The following MON2 variants were observed in gnomAD, a reference collection of about 807,000 sequenced individuals.
The protein encoded by MON2 is MON2 regulator of endosome-to-Golgi trafficking.
MON2 carries 84 observed loss-of-function variants against 208.6 expected under a neutral mutation model. That is an observed-to-expected ratio of 0.40 (90% confidence interval 0.34 to 0.48). MON2 has a LOEUF of 0.48. Among genes scored for constraint, MON2 ranks in the 20% least tolerant of loss-of-function variants. The pLI is 0.59. For missense variants in MON2, 1,611 were observed against 2,015.4 expected (o/e 0.80, Z 3.84); for synonymous variants, 660 against 694.0 (o/e 0.95, Z 0.77).
Position 62,556,070 on chromosome 12 carries a change from G to GC in MON2, c.3288dup (p.Asn1097GlnfsTer17). ...AAAGAAAAGATTGAGTCTGGAGGTG[G>GC]CAATATTCTCATTCATCATTCAAGG... is the stretch of plus-strand genomic sequence containing the variant. On this transcript the variant is annotated frameshift_variant, in exon 25 of 35. Coordinates refer to ENST00000393630, the MANE Select transcript of MON2 (RefSeq NM_015026.3). LOFTEE classifies it high-confidence loss of function. 1 of 1,613,772 alleles carries GC rather than the reference G, an allele frequency of 6.2e-7. No homozygotes were observed. Among genetic ancestry groups the GC allele is most frequent in the Non-Finnish European group, 8.5e-7 (1 of 1,179,890 alleles).
In MON2 at chr12:62,596,209, G is replaced by T; in HGVS notation, c.*3460G>T. ...CAAAAGTATATTCTTTATTAATGAG[G>T]TGGTCATTATTACATTTGTGTCAAT... On this transcript the variant is annotated 3_prime_UTR_variant, in exon 35 of 35. Transcript: ENST00000393630. The T allele has an allele frequency of 6.6e-6, 1 of 152,178 alleles. No homozygotes were observed. Among genetic ancestry groups the T allele is most frequent in the Non-Finnish European group, 1.5e-5 (1 of 68,034 alleles). The allele number at this position is 152,178 out of a possible 1,614,324, so 9.4% of individuals were successfully genotyped here.
In MON2 at chr12:62,543,159, A is replaced by G. The variant is rs1383536371; in HGVS notation, c.2427A>G (p.Ile809Met). The part of the protein sequence containing the change: ...LETGLVNMHR[I>M]EILWRPLTGH... ...CTGGTTTAGTTAATATGCACCGAATAGAAATTCTGTGGAGACCTCTGACTG... is the reference window on the plus strand; with the variant it reads ...CTGGTTTAGTTAATATGCACCGAATGGAAATTCTGTGGAGACCTCTGACTG... The change falls in exon 20 of 35, where the codon ATA becomes ATG. Residue 809 changes from isoleucine (I) to methionine (M), a missense_variant. Physicochemically the swap from Ile to Met is conservative, Grantham distance 10. Transcript: ENST00000393630. 3 of 1,572,118 alleles carry G rather than the reference A, an allele frequency of 1.9e-6. No individual in the cohort carries two copies. The highest frequency in any genetic ancestry group is 2.6e-6 in the Non-Finnish European group (3 of 1,164,276).
chr12:62,589,744 T>TA (rs5798649), intron 34 of MON2, among the ~76,000 whole-genome samples: 4,151 of 113,518 alleles, frequency 0.037, 232 homozygotes, highest in African/African-American at 0.12. Context: ...ACCCCATCTT[T>TA]AAAAAAAAAA....
At position 62,597,726 on chromosome 12, in the gene MON2, CT is replaced by C. The variant is rs1486398891; in HGVS notation, c.*4981del. On this transcript the variant is annotated 3_prime_UTR_variant, in exon 35 of 35. Transcript: ENST00000393630. Reference sequence around the variant, plus strand: ...TTATGTGGGTAGAGAGATTATATATCTTTTCTCAAAGTAAAGTATTTAAAAC... The same window carrying C: ...TTATGTGGGTAGAGAGATTATATATCTTTCTCAAAGTAAAGTATTTAAAAC... 1 of 152,054 alleles carries C rather than the reference CT, an allele frequency of 6.6e-6. No homozygotes were observed. Among genetic ancestry groups the C allele is most frequent in the East Asian group, 1.9e-4 (1 of 5,188 alleles). The allele number at this position is 152,054 out of a possible 1,614,324, so 9.4% of individuals were successfully genotyped here. A position where few individuals can be genotyped will look rare whatever the true frequency, so the allele number is the denominator to read the frequency against.
intron 1 of MON2, among the ~76,000 whole-genome samples, chr12:62,477,259 G>A (rs182323362): frequency 2.0e-5 from 3 of 151,916 alleles, no homozygotes; most frequent in East Asian, 1.9e-4. Flanking sequence ...AACTTTTTTT[G>A]TGTGTGTAAA....
chr12:62,488,578 A>G (rs1462643849), intron 2 of MON2, among the ~76,000 whole-genome samples: 1 of 152,118 alleles, frequency 6.6e-6, no homozygotes, highest in Non-Finnish European at 1.5e-5. Flanking sequence ...GTAAATTAGG[A>G]TAGCAGTGTG....
intron 30 of MON2, among the ~76,000 whole-genome samples, chr12:62,577,054 T>C (rs545437761): frequency 2.2e-4 from 34 of 152,122 alleles, no homozygotes; most frequent in African/African-American, 8.2e-4. Flanking sequence ...CATCAACTCA[T>C]CCTTAGTTAC....
Position 62,560,479 on chromosome 12 carries a change from T to A in MON2, c.3410-12T>A. The A allele has an allele frequency of 1.3e-6, 2 of 1,570,828 alleles. No individual in the cohort carries two copies. Among genetic ancestry groups the A allele is most frequent in the Non-Finnish European group, 8.6e-7 (1 of 1,164,722 alleles). The stretch of plus-strand genomic sequence containing the variant: ...TTTATGATAATAGTTTTTTTTTCTC[T>A]TCCTAATATAGGAGATTTTTCAAGA... On this transcript the variant is annotated splice_polypyrimidine_tract_variant and intron_variant, in intron 25 of 34. Coordinates refer to ENST00000393630, the MANE Select transcript of MON2 (RefSeq NM_015026.3).
Position 62,594,859 on chromosome 12 carries a change from G to C in MON2, c.*2110G>C, listed in dbSNP as rs2075491244. On this transcript the variant is annotated 3_prime_UTR_variant, in exon 35 of 35. Coordinates refer to ENST00000393630, the MANE Select transcript of MON2 (RefSeq NM_015026.3). ...AAGCAAGTGGGTGGCCCCCTTGGTA[G>C]TATAATTGGACAGGATTTTCCTCCA... The C allele has an allele frequency of 6.6e-6, 1 of 152,182 alleles. No homozygotes were observed. Among genetic ancestry groups the C allele is most frequent in the Admixed American group, 6.5e-5 (1 of 15,278 alleles). The allele number at this position is 152,182 out of a possible 1,614,324, so 9.4% of individuals were successfully genotyped here.
intron 8 of MON2, among the ~76,000 whole-genome samples, chr12:62,521,021 T>C (rs1277213700): frequency 6.6e-6 from 1 of 151,616 alleles, no homozygotes; most frequent in East Asian, 1.9e-4. Flanking sequence ...TCTTTTTTTT[T>C]AAAGATGGAA....
rs536539372 is a variant in MON2 at position 62,545,333 on chromosome 12, A to AT, written c.2577+337dup. On this transcript the variant is annotated intron_variant, in intron 21 of 34. Coordinates refer to ENST00000393630, the MANE Select transcript of MON2 (RefSeq NM_015026.3). ...TGCTTTGGTCTTCACATGTCCCTGG[A>AT]TTTTTTTTTTTTCTCACTACCCTTA... Among the ~76,000 whole-genome samples the AT allele has an allele frequency of 3.3e-3, 479 of 146,442 alleles. 2 individuals carry two copies. The highest frequency in any genetic ancestry group is 9.1e-3 in the African/African-American group (364 of 40,204).
At position 62,467,062 on chromosome 12, in the gene MON2, A is replaced by G; in HGVS notation, c.-146A>G. On this transcript the variant is annotated 5_prime_UTR_variant, in exon 1 of 35. Transcript: ENST00000393630. ...GGAAGCTGCTGGGGGACGCTCGAGC[A>G]GGCTCCGGGTTCGCAGCCCAGGGCC... 1.6e-6 allele frequency: 1 copy of G among 631,832 alleles called. No individual in the cohort carries two copies. 39.1% of individuals were successfully genotyped at this position (631,832 alleles called of 1,614,324 possible). A position where few individuals can be genotyped will look rare whatever the true frequency, so the allele number is the denominator to read the frequency against.
At chr12:62,584,544 A>G (rs2075127569) in intron 32 of MON2, among the ~76,000 whole-genome samples, 1 of 152,064 alleles carries the variant, frequency 6.6e-6, no homozygotes, top group Non-Finnish European at 1.5e-5. Context: ...TCTACTAAAA[A>G]TACAAAAAAT....
intron 29 of MON2, 21 bp downstream of exon 29, chr12:62,566,471 C>T (rs759433752): frequency 6.3e-7 from 1 of 1,599,774 alleles, no homozygotes; most frequent in Non-Finnish European, 8.5e-7. Flanking sequence ...TTCATTTCTA[C>T]ACTTTCATTA....
At chr12:62,566,587 A>T in intron 29 of MON2, 137 bp downstream of exon 29, 1 of 930,236 alleles carries the variant, frequency 1.1e-6, no homozygotes, top group Non-Finnish European at 1.5e-6. Flanking sequence ...ACTTTTCTCC[A>T]ATATTCATGA....
At chr12:62,584,780 G>A (rs574152482) in intron 32 of MON2, among the ~76,000 whole-genome samples, 32 of 150,970 alleles carry the variant, frequency 2.1e-4, no homozygotes, top group African/African-American at 7.8e-4. Flanking sequence ...AATTTCCAGA[G>A]TGATGGCAAA....
At chr12:62,581,479 G>A (rs1240123418) in intron 32 of MON2, among the ~76,000 whole-genome samples, 1 of 152,166 alleles carries the variant, frequency 6.6e-6, no homozygotes, top group East Asian at 1.9e-4. Flanking sequence ...CTTGAGCCCA[G>A]GAGGCCGAGG....
chr12:62,534,570 T>TTA (rs1331943202), intron 12 of MON2, among the ~76,000 whole-genome samples: 2 of 115,162 alleles, frequency 1.7e-5, no homozygotes, highest in Non-Finnish European at 3.5e-5. Flanking sequence ...TATATATATT[T>TTA]TATATATATA....
Position 62,538,296 on chromosome 12 carries a change from T to C in MON2, c.2244T>C (p.Asn748=), listed in dbSNP as rs751615545. 2 of 1,613,620 alleles carry C rather than the reference T, an allele frequency of 1.2e-6. No homozygotes were observed. The highest frequency in any genetic ancestry group is 1.7e-6 in the Non-Finnish European group (2 of 1,179,582). Reference sequence around the variant, plus strand: ...TGACAGATTTACCAGTGATTTCCAATATACTTTCAAGATTGTTTGAAAGCT... The same window carrying C: ...TGACAGATTTACCAGTGATTTCCAACATACTTTCAAGATTGTTTGAAAGCT... ...AVMTDLPVIS[N]ILSRLFESSQ... Residue 748 remains asparagine (N), a synonymous_variant, in exon 18 of 35, where the codon AAT becomes AAC. Coordinates refer to ENST00000393630, the MANE Select transcript of MON2 (RefSeq NM_015026.3).
Sources: allele counts gnomAD v4.1 joint callset (sites outside exome capture counted in the v4.1 genomes callset), GRCh38; gene constraint gnomAD v4.1.1; transcripts MANE v1.5; gene names NCBI Gene and HGNC (gene_info 2026-07-23, HGNC 2026-07-21).